C1QBP: variants seen among roughly 807,000 people sequenced by gnomAD.
C1QBP encodes complement C1q binding protein, also known as complement component 1 Q subcomponent-binding protein, mitochondrial.
A neutral mutation model predicts 29.4 loss-of-function variants in C1QBP; 24 were observed. The ratio of observed to expected loss-of-function variants is 0.82; its 90% CI spans 0.59 to 1.15. The LOEUF is 1.15. Among genes scored for constraint, C1QBP ranks in the 50% most tolerant of loss-of-function variants. The pLI, the probability that C1QBP is intolerant of heterozygous loss-of-function variation, is 0.00. For missense variants in C1QBP, 337 were observed against 355.8 expected (o/e 0.95, Z 0.43); for synonymous variants, 182 against 149.2 (o/e 1.22, Z -1.60).
chr17:5,438,427 CCAT>C, intron 1 of C1QBP, 154 bp from the exon 2 acceptor site: 1 of 1,001,156 alleles, frequency 1.0e-6, no homozygotes, highest in Non-Finnish European at 1.4e-6. Context: ...GGTAAAAATA[CCAT>C]AATAGTAGTA....
Position 5,433,103 on chromosome 17 carries a change from T to G in C1QBP, c.761A>C (p.Asp254Ala). Residue 254 changes from aspartate (D) to alanine (A), a missense_variant, in exon 6 of 6, where the codon GAT becomes GCT. Transcript: ENST00000225698. Reference sequence around the variant, plus strand: ...GGCTGTGCTGAGCTCCACCAGCTCATCTGCAAAAGTGTTGTCCACCCCTCG... The same window carrying G: ...GGCTGTGCTGAGCTCCACCAGCTCAGCTGCAAAAGTGTTGTCCACCCCTCG... ...ADRGVDNTFA[D>A]ELVELSTALE... The G allele has an allele frequency of 6.2e-7, 1 of 1,614,160 alleles. No homozygotes were observed. The highest frequency in any genetic ancestry group is 8.5e-7 in the Non-Finnish European group (1 of 1,180,018).
chr17:5,433,966 G>A lies in C1QBP; in HGVS notation c.478-199C>T. 5 of 601,012 alleles carry A rather than the reference G, an allele frequency of 8.3e-6. No homozygotes were observed. In the South Asian group the frequency reaches 9.8e-5, roughly 12 times the overall value. The allele number at this position is 601,012 out of a possible 1,614,324, so 37.2% of individuals were successfully genotyped here. On this transcript the variant is annotated intron_variant, in intron 3 of 5. Coordinates refer to ENST00000225698, the MANE Select transcript of C1QBP (RefSeq NM_001212.4). ...ACCCTGCTTGGTTAAATAACACACT[G>A]GGTTTTCAGTTAAGAAATGTGGATA... is the stretch of plus-strand genomic sequence containing the variant.
At chr17:5,435,763 C>T (rs1916251582) in intron 2 of C1QBP, among the ~76,000 whole-genome samples, 1 of 151,628 alleles carries the variant, frequency 6.6e-6, no homozygotes, top group Non-Finnish European at 1.5e-5. Flanking sequence ...GGCGCAGTGG[C>T]TCACGCCTGT....
Position 5,438,971 on chromosome 17 carries a change from C to A in C1QBP, c.103G>T (p.Ala35Ser), listed in dbSNP as rs992638068. The change falls in exon 1 of 6, where the codon GCA becomes TCA. Residue 35 changes from alanine to serine, a missense_variant. Physicochemically the swap from Ala to Ser is moderately conservative, Grantham distance 99. Coordinates refer to ENST00000225698, the MANE Select transcript of C1QBP (RefSeq NM_001212.4). ...ASPFRQLLQP[A>S]PRLCTRPFGL... ...AAGGGCCGGGTGCACAGCCGGGGTG[C>A]CGGCTGCAGGAGCTGCCGGAAAGGC... The A allele has an allele frequency of 4.7e-6, 7 of 1,501,304 alleles. No homozygotes were observed. The highest frequency in any genetic ancestry group is 1.3e-5 in the South Asian group (1 of 79,218). The allele number at this position is 1,501,304 out of a possible 1,614,324, so 93.0% of individuals were successfully genotyped here.
At position 5,439,008 on chromosome 17, in the gene C1QBP, G is replaced by T; in HGVS notation, c.66C>A (p.Ala22=). ...GCTGCCGGAAAGGCGAGGCGGGCGC[G>T]GCAGCGCGGAGGCCGGCGACGGAGG... ...LGSSVAGLRA[A]APASPFRQLL... The change falls in exon 1 of 6, where the codon GCC becomes GCA. Residue 22 remains alanine (A), a synonymous_variant. Coordinates refer to ENST00000225698, the MANE Select transcript of C1QBP (RefSeq NM_001212.4). The T allele has an allele frequency of 6.7e-7, 1 of 1,489,380 alleles. No individual in the cohort carries two copies. Among genetic ancestry groups the T allele is most frequent in the South Asian group, 1.3e-5 (1 of 75,910 alleles). The allele number at this position is 1,489,380 out of a possible 1,614,324, so 92.3% of individuals were successfully genotyped here.
intron 2 of C1QBP, among the ~76,000 whole-genome samples, chr17:5,436,474 C>T (rs9894738): frequency 1.3e-5 from 2 of 151,466 alleles, no homozygotes; most frequent in African/African-American, 4.9e-5. Context: ...GCAGTGGTTT[C>T]TTAGACGTGA....
At position 5,439,064 on chromosome 17, in the gene C1QBP, G is replaced by C; in HGVS notation, c.10C>G (p.Leu4Val). The change falls in exon 1 of 6, where the codon CTG (leucine) becomes GTG (valine). Residue 4 changes from leucine to valine, a missense_variant. Transcript: ENST00000225698. MLPLLRCVPRVLGS... is the reference protein window; with the variant it reads MLPVLRCVPRVLGS... ...AGCACACGGGGCACGCAGCGCAGCA[G>C]AGGCAGCATCGCGGAAACGACTGCG... The C allele has an allele frequency of 6.5e-7, 1 of 1,539,352 alleles. No homozygotes were observed. The highest frequency in any genetic ancestry group is 8.7e-7 in the Non-Finnish European group (1 of 1,142,874).
At chr17:5,438,068 G>A in intron 2 of C1QBP, 55 bp downstream of exon 2, 1 of 1,577,540 alleles carries the variant, frequency 6.3e-7, no homozygotes, top group South Asian at 1.1e-5. Context: ...GACCCAGGAT[G>A]GGTCCTGCAA....
chr17:5,435,614 T>G (rs554591769), intron 2 of C1QBP, among the ~76,000 whole-genome samples: 230 of 152,198 alleles, frequency 1.5e-3, no homozygotes, highest in Non-Finnish European at 2.4e-3. Flanking sequence ...GTGACAATTT[T>G]AAGGTGCAAG....
intron 2 of C1QBP, among the ~76,000 whole-genome samples, chr17:5,437,600 C>T (rs189644657): frequency 2.9e-3 from 447 of 152,260 alleles, no homozygotes; most frequent in African/African-American, 0.01. Context: ...TGTGAGCCAC[C>T]GCGCCCAGGC....
In C1QBP at chr17:5,438,965, G is replaced by C. The variant is rs56004395; in HGVS notation, c.109C>G (p.Arg37Gly). 2.7e-6 allele frequency: 4 copies of C among 1,502,472 alleles called. No individual in the cohort carries two copies. Among genetic ancestry groups the C allele is most frequent in the Non-Finnish European group, 3.5e-6 (4 of 1,128,304 alleles). 93.1% of individuals were successfully genotyped at this position (1,502,472 alleles called of 1,614,324 possible). Residue 37 changes from arginine to glycine, a missense_variant, in exon 1 of 6, where the codon CGG becomes GGG. Physicochemically the swap from Arg to Gly is moderately radical, Grantham distance 125. Coordinates refer to ENST00000225698, the MANE Select transcript of C1QBP (RefSeq NM_001212.4). ...AGCCCGAAGGGCCGGGTGCACAGCC[G>C]GGGTGCCGGCTGCAGGAGCTGCCGG... ...PFRQLLQPAP[R>G]LCTRPFGLLS...
chr17:5,438,688 G>T, intron 1 of C1QBP, 154 bp downstream of exon 1: 1 of 1,482,792 alleles, frequency 6.7e-7, no homozygotes, highest in Non-Finnish European at 9.1e-7. Flanking sequence ...GATAGGGGAG[G>T]TGGGGGAAAT....
chr17:5,436,425 G>GAA (rs1453749755), intron 2 of C1QBP, among the ~76,000 whole-genome samples: 3 of 151,332 alleles, frequency 2.0e-5, no homozygotes, highest in African/African-American at 7.4e-5. Context: ...AGAAAACTTT[G>GAA]AAAAAATTAA....
rs1567593301 is a variant in C1QBP, at chr17:5,439,044, A to C, written c.30T>G (p.Arg10=). ...GGCCGGCGACGGAGGAGCCCAGCAC[A>C]CGGGGCACGCAGCGCAGCAGAGGCA... MLPLLRCVP[R]VLGSSVAGLR... is the part of the protein sequence containing the mutation. Residue 10 remains arginine (R), a synonymous_variant, in exon 1 of 6, where the codon CGT becomes CGG. Transcript: ENST00000225698. The C allele has an allele frequency of 6.5e-7, 1 of 1,527,212 alleles. No individual in the cohort carries two copies. The highest frequency in any genetic ancestry group is 1.2e-5 in the South Asian group (1 of 83,070). The allele number at this position is 1,527,212 out of a possible 1,614,324, so 94.6% of individuals were successfully genotyped here. A position where few individuals can be genotyped will look rare whatever the true frequency, so the allele number is the denominator to read the frequency against.
rs185751024 is a variant in C1QBP at position 5,435,109 on chromosome 17, T to A, written c.384-143A>T. 42 of 737,504 alleles carry A rather than the reference T, an allele frequency of 5.7e-5. No homozygotes were observed. The East Asian group carries it at 1.1e-3, about 19-fold the overall frequency. 45.7% of individuals were successfully genotyped at this position (737,504 alleles called of 1,614,324 possible). ...CTCTGTCCTAGCTGGCTGAATTATA[T>A]GCAGAACTTCAAACTAGGCTGGGTG... On this transcript the variant is annotated intron_variant, in intron 2 of 5. Coordinates refer to ENST00000225698, the MANE Select transcript of C1QBP (RefSeq NM_001212.4).
At position 5,432,893 on chromosome 17, in the gene C1QBP, G is replaced by A. The variant is rs1393314007; in HGVS notation, c.*122C>T. 5.1e-6 allele frequency: 6 copies of A among 1,171,896 alleles called. No homozygotes were observed. Among genetic ancestry groups the A allele is most frequent in the African/African-American group, 3.1e-5 (2 of 64,374 alleles). The allele number at this position is 1,171,896 out of a possible 1,614,324, so 72.6% of individuals were successfully genotyped here. A position where few individuals can be genotyped will look rare whatever the true frequency, so the allele number is the denominator to read the frequency against. The stretch of plus-strand genomic sequence containing the variant: ...ACACAAAACATATAATTTAAATTTG[G>A]TATTTTTTCCCCCATGATATTAGGA... On this transcript the variant is annotated 3_prime_UTR_variant, in exon 6 of 6. Transcript: ENST00000225698.
chr17:5,438,693 G>A, intron 1 of C1QBP, 149 bp downstream of exon 1: 1 of 1,500,718 alleles, frequency 6.7e-7, no homozygotes, highest in Non-Finnish European at 9.0e-7. Context: ...GGGAGGTGGG[G>A]GAAATATGAT....
chr17:5,433,228 TCCCCTTGAA>T, intron 5 of C1QBP, 56 bp downstream of exon 5: 1 of 1,609,668 alleles, frequency 6.2e-7, no homozygotes, highest in Non-Finnish European at 8.5e-7. Flanking sequence ...TGCTTTTTTC[TCCCCTTGAA>T]CTAGGACCCT....
intron 3 of C1QBP, 90 bp from the exon 4 acceptor site, chr17:5,433,857 C>T: frequency 9.3e-7 from 1 of 1,078,718 alleles, no homozygotes. Flanking sequence ...TGATGGCCAC[C>T]ACTATTAGGA....
Sources: allele counts gnomAD v4.1 joint callset (sites outside exome capture counted in the v4.1 genomes callset), GRCh38; gene constraint gnomAD v4.1.1; transcripts MANE v1.5; gene names NCBI Gene and HGNC (gene_info 2026-07-23, HGNC 2026-07-21).